Variants in EML6 observed in about 807,000 individuals in gnomAD.
EML6 encodes EMAP like 6, also known as echinoderm microtubule-associated protein-like 6.
A neutral mutation model predicts 240.1 loss-of-function variants in EML6; 154 were observed. The observed-to-expected ratio is 0.64, with a 90% CI of 0.56 to 0.73. The LOEUF (loss-of-function observed/expected upper bound fraction) is 0.73. Among genes scored for constraint, EML6 ranks in the 30% least tolerant of loss-of-function variants. The pLI, the probability that EML6 is intolerant of heterozygous loss-of-function variation, is 0.00. For synonymous variants in EML6, 1,148 were observed against 899.0 expected (o/e 1.28, Z -4.95); for missense variants, 2,964 against 2,474.6 (o/e 1.20, Z -4.20).
intron 28 of EML6, among the ~76,000 whole-genome samples, chr2:54,930,806 G>A (rs1274356779): frequency 1.3e-5 from 2 of 152,064 alleles, no homozygotes; most frequent in African/African-American, 2.4e-5. Context: ...GCCAGGTAGG[G>A]TCAGCTAGTA....
chr2:54,772,587 T>A (rs1036742106), intron 2 of EML6, among the ~76,000 whole-genome samples: 1 of 152,246 alleles, frequency 6.6e-6, no homozygotes, highest in Non-Finnish European at 1.5e-5. Flanking sequence ...GGCAAAAATT[T>A]ACTGAATGCC....
chr2:54,761,685 G>A (rs1414749048), intron 2 of EML6, among the ~76,000 whole-genome samples: 1 of 152,120 alleles, frequency 6.6e-6, no homozygotes, highest in South Asian at 2.1e-4. Flanking sequence ...GTCAAAAATA[G>A]TTGAGGTACC....
chr2:54,820,326 G>A, intron 4 of EML6, 68 bp from the exon 5 acceptor site: 1 of 866,200 alleles, frequency 1.2e-6, no homozygotes. Context: ...TTGGCAATTG[G>A]ACTAGTATTG....
At chr2:54,956,571 C>G (rs541299453) in intron 32 of EML6, among the ~76,000 whole-genome samples, 1 of 152,200 alleles carries the variant, frequency 6.6e-6, no homozygotes, top group South Asian at 2.1e-4. Flanking sequence ...GAGAGATCTG[C>G]TACAGTAAGT....
At chr2:54,900,354 C>G (rs10195230) in intron 22 of EML6, among the ~76,000 whole-genome samples, 1 of 152,020 alleles carries the variant, frequency 6.6e-6, no homozygotes, top group African/African-American at 2.4e-5. Context: ...TGAACAGAGT[C>G]TCAGCAACAT....
At position 54,725,852 on chromosome 2, in the gene EML6, CATT is replaced by C. The variant is rs1682885648; in HGVS notation, c.197+595_197+597del. Among the ~76,000 whole-genome samples the C allele has an allele frequency of 6.6e-6, 1 of 152,200 alleles. No homozygotes were observed. The highest frequency in any genetic ancestry group is 1.5e-5 in the Non-Finnish European group (1 of 68,048). On this transcript the variant is annotated intron_variant, in intron 2 of 41. Transcript: ENST00000356458. The surrounding 1 kb of genome is among the most constrained non-coding windows in gnomAD (Gnocchi z 4.3). ...CACTAAATGGATGCTTCCACAGCAT[CATT>C]GAGGTTATTAAAGGCTGGCAGCTGC...
intron 32 of EML6, 93 bp from the exon 33 acceptor site, chr2:54,957,697 C>A: frequency 9.1e-7 from 1 of 1,103,228 alleles, no homozygotes; most frequent in South Asian, 1.4e-5. Context: ...GCATGGCTTA[C>A]GCCTGCTGGG....
At chr2:54,906,771 C>T (rs1323652458) in intron 24 of EML6, among the ~76,000 whole-genome samples, 1 of 152,176 alleles carries the variant, frequency 6.6e-6, no homozygotes, top group African/African-American at 2.4e-5. Context: ...TCCTGATATT[C>T]CTGCATTCCC....
intron 32 of EML6, among the ~76,000 whole-genome samples, chr2:54,957,373 G>C (rs1031311475): frequency 8.8e-6 from 1 of 113,428 alleles, no homozygotes; most frequent in Admixed American, 9.0e-5. Context: ...AAAAAAAAAA[G>C]CTCTCTAGAG....
intron 28 of EML6, among the ~76,000 whole-genome samples, chr2:54,939,649 C>T (rs1194335910): frequency 6.6e-6 from 1 of 152,226 alleles, no homozygotes; most frequent in Non-Finnish European, 1.5e-5. Context: ...ATCCTCCCCG[C>T]TCCCTGCAGT....
chr2:54,761,238 G>A (rs974702235), intron 2 of EML6, among the ~76,000 whole-genome samples: 5 of 151,948 alleles, frequency 3.3e-5, no homozygotes, highest in South Asian at 2.1e-4. Context: ...CTTGTTTAAT[G>A]TTATAAACTT....
intron 2 of EML6, among the ~76,000 whole-genome samples, chr2:54,773,991 C>T (rs950070721): frequency 5.9e-5 from 9 of 152,156 alleles, no homozygotes; most frequent in African/African-American, 2.2e-4. Flanking sequence ...AGTGGCTGCT[C>T]CCACTCCAGC....
chr2:54,940,819 T>A (rs903861678), intron 28 of EML6, among the ~76,000 whole-genome samples: 2 of 152,334 alleles, frequency 1.3e-5, no homozygotes, highest in South Asian at 4.1e-4. Flanking sequence ...GTAGTATCTG[T>A]CCTTCAGGAA....
rs1314667277 is a variant in EML6 at position 54,967,031 on chromosome 2, A to C, written c.5525A>C (p.His1842Pro). 7.7e-6 allele frequency: 12 copies of C among 1,551,428 alleles called. No homozygotes were observed. Among genetic ancestry groups the C allele is most frequent in the Non-Finnish European group, 1.0e-5 (12 of 1,146,816 alleles). Residue 1842 changes from histidine (H) to proline (P), a missense_variant, in exon 39 of 42, where the codon CAT becomes CCT. His to Pro is a moderately conservative substitution (Grantham distance 77, BLOSUM62 -2). Transcript: ENST00000356458. ...VSTGAYKRQVHEVPLGKQVTE... is the reference protein window; with the variant it reads ...VSTGAYKRQVPEVPLGKQVTE... ...ACAGGTGCCTATAAGCGCCAGGTGCATGAGGTCCCCCTGGGGAAGCAGGTA... is the reference window on the plus strand; with the variant it reads ...ACAGGTGCCTATAAGCGCCAGGTGCCTGAGGTCCCCCTGGGGAAGCAGGTA...
chr2:54,941,460 G>A (rs962658700), intron 28 of EML6, among the ~76,000 whole-genome samples: 1 of 152,176 alleles, frequency 6.6e-6, no homozygotes, highest in African/African-American at 2.4e-5. Context: ...GCCGGACAGA[G>A]GCCCTTTGTT....
intron 2 of EML6, among the ~76,000 whole-genome samples, chr2:54,799,698 A>G (rs568714327): frequency 6.6e-6 from 1 of 152,314 alleles, no homozygotes; most frequent in South Asian, 2.1e-4. Context: ...AACAGAGACC[A>G]TATGACCATC....
At chr2:54,840,741 G>A (rs529029069) in intron 7 of EML6, among the ~76,000 whole-genome samples, 1 of 152,234 alleles carries the variant, frequency 6.6e-6, no homozygotes, top group Non-Finnish European at 1.5e-5. Context: ...GACAGTCACT[G>A]TGCCAGGTAT....
intron 35 of EML6, 129 bp downstream of exon 35, chr2:54,960,463 T>C: frequency 3.0e-6 from 2 of 677,902 alleles, no homozygotes; most frequent in Non-Finnish European, 5.1e-6. Flanking sequence ...TGAATTGTGC[T>C]GTAGTGGGAA....
intron 17 of EML6, among the ~76,000 whole-genome samples, chr2:54,888,508 A>G (rs972988332): frequency 1.3e-5 from 2 of 152,134 alleles, no homozygotes; most frequent in Admixed American, 6.6e-5. Context: ...CTGCCTATTT[A>G]TCCTTTCATC....
Sources: gnomAD v4.1 joint callset for allele counts (sites outside exome capture counted in the v4.1 genomes callset) on GRCh38, gnomAD v4.1.1 for gene constraint, Gnocchi (gnomAD v3.1) non-coding constraint, MANE v1.5 for transcripts, NCBI Gene and HGNC (gene_info 2026-07-23, HGNC 2026-07-21) for gene names.